CDC42BPA: variants seen among roughly 807,000 people sequenced by gnomAD.
CDC42BPA encodes serine/threonine-protein kinase MRCK alpha.
CDC42BPA carries 80 observed loss-of-function variants against 223.5 expected under a neutral mutation model. That is an observed-to-expected ratio of 0.36 (90% CI 0.30 to 0.43). The LOEUF is 0.43. Ranked by LOEUF, CDC42BPA falls within the 20% of genes least tolerant of loss-of-function variation. CDC42BPA has a pLI of 1.00. For missense variants in CDC42BPA, 1,743 were observed against 2,099.9 expected, an observed-to-expected ratio of 0.83 and a Z score of 3.32; for synonymous variants, 694 against 718.6, an observed-to-expected ratio of 0.97 and a Z score of 0.55.
chr1:227,089,426 G>A (rs989730896), intron 16 of CDC42BPA, among the ~76,000 whole-genome samples: 2 of 152,204 alleles, frequency 1.3e-5, no homozygotes, highest in South Asian at 2.1e-4. Context: ...GGAAGAGAGA[G>A]ATGCAAAAAT....
At chr1:227,026,772 G>C (rs1668341340) in intron 30 of CDC42BPA, among the ~76,000 whole-genome samples, 1 of 152,190 alleles carries the variant, frequency 6.6e-6, no homozygotes, top group Admixed American at 6.5e-5. Flanking sequence ...ATCTGATTCA[G>C]TTACAAGACA....
At chr1:227,257,094 C>T (rs1292971703) in intron 1 of CDC42BPA, among the ~76,000 whole-genome samples, 1 of 151,718 alleles carries the variant, frequency 6.6e-6, no homozygotes, top group East Asian at 1.9e-4. Flanking sequence ...CATTAAAAGG[C>T]AAATATATTA....
chr1:227,294,717 G>A (rs1217522388), intron 1 of CDC42BPA, among the ~76,000 whole-genome samples: 7 of 118,420 alleles, frequency 5.9e-5, no homozygotes, highest in East Asian at 2.6e-4. Flanking sequence ...AAAATTAGCC[G>A]GGCGTGGTAG....
chr1:227,264,970 A>G, intron 1 of CDC42BPA: 2 of 934,684 alleles, frequency 2.1e-6, no homozygotes, highest in Non-Finnish European at 3.6e-6. Context: ...GTATAACCTC[A>G]TTTGGGCAGT....
rs867887375 is a variant in CDC42BPA at position 227,028,137 on chromosome 1, T to C, written c.4432+520A>G. ...TCCATCTCTCAAAAAAAAAAAAAAGTATTCAATAATTTATTATGTCTTAAT... is the reference window on the plus strand; with the variant it reads ...TCCATCTCTCAAAAAAAAAAAAAAGCATTCAATAATTTATTATGTCTTAAT... On this transcript the variant is annotated intron_variant, in intron 30 of 36. Coordinates refer to ENST00000366766, the MANE Select transcript of CDC42BPA (RefSeq NM_001394014.1). Among the ~76,000 whole-genome samples the C allele has an allele frequency of 9.3e-4, 135 of 145,310 alleles. 1 individual carries two copies. The highest frequency in any genetic ancestry group is 3.4e-3 in the African/African-American group (134 of 39,598).
At chr1:227,305,858 C>T (rs1692442664) in intron 1 of CDC42BPA, among the ~76,000 whole-genome samples, 1 of 152,084 alleles carries the variant, frequency 6.6e-6, no homozygotes, top group Non-Finnish European at 1.5e-5. Flanking sequence ...CCCAGCTACT[C>T]GGGAGGCTGA....
intron 12 of CDC42BPA, among the ~76,000 whole-genome samples, chr1:227,115,641 T>C (rs1478279279): frequency 1.3e-5 from 2 of 152,100 alleles, no homozygotes; most frequent in Non-Finnish European, 2.9e-5. Flanking sequence ...TGGAACAGGC[T>C]ACGCCATGAA....
In CDC42BPA at chr1:227,072,282, T is replaced by G; in HGVS notation, c.2753A>C (p.Glu918Ala). ...IITECKLKDS[E>A]KKNLELLSEI... is the part of the protein sequence containing the mutation. ...TGAGAGTAGTTCCAAGTTCTTCTTC[T>G]CTGAATCTTTTAGTTTACTTAAATA... The change falls in exon 20 of 37, where the codon GAG (glutamate) becomes GCG (alanine). Residue 918 changes from glutamate to alanine, a missense_variant. Physicochemically the swap from Glu to Ala is moderately radical, Grantham distance 107. Coordinates refer to ENST00000366766, the MANE Select transcript of CDC42BPA (RefSeq NM_001394014.1). 1 of 1,598,504 alleles carries G rather than the reference T, an allele frequency of 6.3e-7. No individual in the cohort carries two copies. The highest frequency in any genetic ancestry group is 8.6e-7 in the Non-Finnish European group (1 of 1,166,928).
chr1:227,179,050 T>C (rs1284578206), intron 5 of CDC42BPA, among the ~76,000 whole-genome samples: 2 of 152,140 alleles, frequency 1.3e-5, no homozygotes, highest in African/African-American at 4.8e-5. Flanking sequence ...CTTGAAAACA[T>C]TATGCTAAGT....
intron 2 of CDC42BPA, among the ~76,000 whole-genome samples, chr1:227,221,387 C>T (rs576906659): frequency 9.4e-4 from 143 of 152,284 alleles, no homozygotes; most frequent in Non-Finnish European, 1.6e-3. Context: ...GGTCATCTCT[C>T]TAGCATGTTC....
chr1:227,116,338 G>A (rs1043999174), intron 12 of CDC42BPA, among the ~76,000 whole-genome samples: 1 of 152,010 alleles, frequency 6.6e-6, no homozygotes, highest in Non-Finnish European at 1.5e-5. Flanking sequence ...GAGCACAGAA[G>A]GGCACATTTA....
At chr1:227,200,848 A>G (rs1053599100) in intron 3 of CDC42BPA, among the ~76,000 whole-genome samples, 3 of 152,150 alleles carry the variant, frequency 2.0e-5, no homozygotes, top group Admixed American at 2.0e-4. Context: ...ATCCTCAACT[A>G]TATGTGACAT....
At chr1:227,265,077 T>C (rs1233759390) in intron 1 of CDC42BPA, 17 of 775,700 alleles carry the variant, frequency 2.2e-5, no homozygotes, top group Non-Finnish European at 4.1e-5. Context: ...TGCATTGCAT[T>C]GTATCCAAGG....
chr1:227,126,464 A>AAAGAAAGGAAGGAAGGAAGGAAGG (rs1689619211), intron 11 of CDC42BPA, among the ~76,000 whole-genome samples: 9 of 130,474 alleles, frequency 6.9e-5, no homozygotes, highest in Non-Finnish European at 6.4e-5. Flanking sequence ...GCAGTACAAG[A>AAAGAAAGGAAGGAAGGAAGGAAGG]AAGGAAGGAA....
intron 21 of CDC42BPA, among the ~76,000 whole-genome samples, chr1:227,055,389 A>G (rs2148901054): frequency 6.6e-6 from 1 of 152,230 alleles, no homozygotes; most frequent in Non-Finnish European, 1.5e-5. Context: ...ATGCCTACCA[A>G]TGCATTTATA....
chr1:227,179,654 A>AAAAAAAAAAAAAAAT, intron 5 of CDC42BPA, among the ~76,000 whole-genome samples: 1 of 149,830 alleles, frequency 6.7e-6, no homozygotes, highest in Non-Finnish European at 1.5e-5. Flanking sequence ...AAAAAAAAAA[A>AAAAAAAAAAAAAAAT]AAAAAAGCTA....
intron 3 of CDC42BPA, among the ~76,000 whole-genome samples, chr1:227,202,075 C>T (rs371734970): frequency 1.1e-4 from 17 of 152,132 alleles, no homozygotes; most frequent in South Asian, 2.1e-4. Flanking sequence ...CCTCTGCCTC[C>T]GGGTGTGAGC....
intron 27 of CDC42BPA, among the ~76,000 whole-genome samples, chr1:227,032,707 G>C (rs79874289): frequency 0.13 from 19,659 of 152,118 alleles, 1,353 homozygotes; most frequent in East Asian, 0.27. Flanking sequence ...CAGCCACTGG[G>C]AGCTCAGCCA....
intron 17 of CDC42BPA, among the ~76,000 whole-genome samples, chr1:227,079,352 T>G (rs991198979): frequency 6.6e-6 from 1 of 152,114 alleles, no homozygotes; most frequent in Non-Finnish European, 1.5e-5. Context: ...AAGCCCACAT[T>G]GAAAGCTTCC....
Sources: gnomAD v4.1 joint callset for allele counts (sites outside exome capture counted in the v4.1 genomes callset) on GRCh38, gnomAD v4.1.1 for gene constraint, MANE v1.5 for transcripts, NCBI Gene and HGNC (gene_info 2026-07-23, HGNC 2026-07-21) for gene names.